UBE2Z: variants seen among roughly 807,000 people sequenced by gnomAD.
UBE2Z encodes the protein ubiquitin conjugating enzyme E2 Z, also known as ubiquitin-conjugating enzyme E2 Z.
UBE2Z carries 10 observed loss-of-function variants against 32.6 expected under a neutral mutation model. The observed-to-expected ratio is 0.31, with a 90% confidence interval of 0.19 to 0.52. The LOEUF (loss-of-function observed/expected upper bound fraction) is 0.52. Among genes scored for constraint, UBE2Z ranks in the 20% least tolerant of loss-of-function variants. The probability of loss-of-function intolerance (pLI) is 0.97; values close to 1 mark genes in which losing one functional copy is unlikely to be tolerated. For missense variants in UBE2Z, 343 were observed against 480.9 expected, an observed-to-expected ratio of 0.71 and a Z score of 2.68; for synonymous variants, 183 against 190.8, an observed-to-expected ratio of 0.96 and a Z score of 0.34.
At chr17:48,909,480 T>C (rs1366113722) in intron 1 of UBE2Z, among the ~76,000 whole-genome samples, 1 of 149,916 alleles carries the variant, frequency 6.7e-6, no homozygotes, top group Non-Finnish European at 1.5e-5. Context: ...CTCCCCCCAA[T>C]TCCCCAGTGC....
At chr17:48,913,668 T>C (rs566661549) in intron 3 of UBE2Z, among the ~76,000 whole-genome samples, 7 of 152,272 alleles carry the variant, frequency 4.6e-5, no homozygotes, top group African/African-American at 1.7e-4. Flanking sequence ...ATCTGTTTTT[T>C]ACAAGCTCTC....
chr17:48,915,951 C>T (rs2040716362), intron 3 of UBE2Z, 125 bp from the exon 4 acceptor site: 2 of 490,684 alleles, frequency 4.1e-6, no homozygotes, highest in Non-Finnish European at 7.0e-6. Context: ...CTGGGAAATT[C>T]CAGAGTATTA....
chr17:48,920,076 A>G (rs765777864), intron 4 of UBE2Z, among the ~76,000 whole-genome samples: 3 of 152,100 alleles, frequency 2.0e-5, no homozygotes, highest in South Asian at 2.1e-4. Flanking sequence ...AGTCCCAGCT[A>G]CTTGGGAAGC....
chr17:48,909,493 C>G (rs559247615), intron 1 of UBE2Z, among the ~76,000 whole-genome samples: 18 of 151,720 alleles, frequency 1.2e-4, no homozygotes, highest in Non-Finnish European at 2.1e-4. Flanking sequence ...CCCAGTGCCA[C>G]TCTGGATTGT....
chr17:48,924,154 G>T (rs1408595928), intron 6 of UBE2Z, among the ~76,000 whole-genome samples: 1 of 152,150 alleles, frequency 6.6e-6, no homozygotes, highest in Non-Finnish European at 1.5e-5. Context: ...TGTTTTGTTT[G>T]GTTGTAGAGA....
intron 3 of UBE2Z, among the ~76,000 whole-genome samples, chr17:48,915,439 T>C (rs768668846): frequency 2.6e-5 from 4 of 152,190 alleles, no homozygotes; most frequent in Admixed American, 6.6e-5. Flanking sequence ...CCCCTAATAC[T>C]TGGTTGGGTT....
chr17:48,925,627 C>CA (rs2040792549), intron 6 of UBE2Z, among the ~76,000 whole-genome samples: 2 of 152,114 alleles, frequency 1.3e-5, no homozygotes, highest in African/African-American at 4.8e-5. Context: ...TTAGCAATAT[C>CA]AGTGTGTAAA....
intron 4 of UBE2Z, among the ~76,000 whole-genome samples, chr17:48,917,812 C>A (rs1180515047): frequency 6.6e-6 from 1 of 152,182 alleles, no homozygotes; most frequent in African/African-American, 2.4e-5. Context: ...CCCAGACTTA[C>A]ATTGGAGCCC....
chr17:48,922,428 AAAC>A (rs1447512149), intron 5 of UBE2Z, among the ~76,000 whole-genome samples: 3 of 152,110 alleles, frequency 2.0e-5, no homozygotes, highest in Non-Finnish European at 1.5e-5. Context: ...TCTTTGTAGA[AAAC>A]AGATCTGGAC....
rs1470581118 is a variant in UBE2Z, at chr17:48,912,917, T to C, written c.474T>C (p.Tyr158=). 1.2e-6 allele frequency: 2 copies of C among 1,613,902 alleles called. No homozygotes were observed. Among genetic ancestry groups the C allele is most frequent in the African/African-American group, 2.7e-5 (2 of 75,002 alleles). ...TCGTGTTTCGGTGTCCGCCCGACTA[T>C]CCCATCCACCCACCTCGGGTCAAAC... ...FLFVFRCPPD[Y]PIHPPRVKLM... Residue 158 remains tyrosine, a synonymous_variant, in exon 3 of 7, where the codon TAT becomes TAC. Transcript: ENST00000360943.
chr17:48,921,299 AT>A, intron 5 of UBE2Z, 27 bp downstream of exon 5: 1 of 1,577,368 alleles, frequency 6.3e-7, no homozygotes, highest in Non-Finnish European at 8.6e-7. Context: ...CTTGCTTGGT[AT>A]TCCTTTCGGG....
At chr17:48,913,175 A>G (rs533671876) in intron 3 of UBE2Z, among the ~76,000 whole-genome samples, 154 bp downstream of exon 3, 1 of 152,146 alleles carries the variant, frequency 6.6e-6, no homozygotes, top group Admixed American at 6.6e-5. Context: ...TGTGACTAGT[A>G]TCATTCTAGA....
At chr17:48,919,130 C>T (rs1349961237) in intron 4 of UBE2Z, among the ~76,000 whole-genome samples, 1 of 151,834 alleles carries the variant, frequency 6.6e-6, no homozygotes, top group African/African-American at 2.4e-5. Flanking sequence ...TATTTACAGG[C>T]ACACACCACC....
At chr17:48,921,384 T>C (rs1390193983) in intron 5 of UBE2Z, 112 bp downstream of exon 5, 3 of 798,996 alleles carry the variant, frequency 3.8e-6, no homozygotes, top group African/African-American at 1.7e-5. Flanking sequence ...GAAGGAAAGA[T>C]GTGGTTCCTG....
intron 5 of UBE2Z, among the ~76,000 whole-genome samples, 194 bp from the exon 6 acceptor site, chr17:48,922,653 G>A (rs1173993685): frequency 6.6e-6 from 1 of 151,966 alleles, no homozygotes; most frequent in East Asian, 1.9e-4. Context: ...TGTAATCCCA[G>A]CTTCTCAGGA....
Position 48,927,073 on chromosome 17 carries a change from T to G in UBE2Z, c.1004T>G (p.Met335Arg), listed in dbSNP as rs1189100746. Residue 335 changes from methionine to arginine, a missense_variant, in exon 7 of 7, where the codon ATG (methionine) becomes AGG (arginine). This residue lies in a region of UBE2Z where 182 missense variants were observed against 312.4 expected (regional missense o/e 0.58). Coordinates refer to ENST00000360943, the MANE Select transcript of UBE2Z (RefSeq NM_023079.5). ...LERLHNENAEMDSDSSSSGTE... is the reference protein window; with the variant it reads ...LERLHNENAERDSDSSSSGTE... ...AGGCTCCATAATGAGAATGCAGAAA[T>G]GGACTCTGATAGCAGTTCATCTGGG... The G allele has an allele frequency of 1.2e-6, 2 of 1,613,910 alleles. No individual in the cohort carries two copies. The highest frequency in any genetic ancestry group is 1.1e-5 in the South Asian group (1 of 91,072).
chr17:48,912,819 G>C lies in UBE2Z; in HGVS notation c.391-15G>C. On this transcript the variant is annotated splice_polypyrimidine_tract_variant and intron_variant, in intron 2 of 6. Coordinates refer to ENST00000360943, the MANE Select transcript of UBE2Z (RefSeq NM_023079.5). Reference sequence around the variant, plus strand: ...TCATCACCTCACAATTTTGAGATGGGGTTTTATTTTGCAGATTCATGCATT... The same window carrying C: ...TCATCACCTCACAATTTTGAGATGGCGTTTTATTTTGCAGATTCATGCATT... 1 of 1,612,936 alleles carries C rather than the reference G, an allele frequency of 6.2e-7. No individual in the cohort carries two copies. The highest frequency in any genetic ancestry group is 8.5e-7 in the Non-Finnish European group (1 of 1,179,088).
chr17:48,921,136 A>T, intron 4 of UBE2Z, 24 bp from the exon 5 acceptor site: 1 of 1,586,170 alleles, frequency 6.3e-7, no homozygotes, highest in Non-Finnish European at 8.6e-7. Flanking sequence ...TTTTTGGAAT[A>T]CTCTGGCATC....
intron 4 of UBE2Z, among the ~76,000 whole-genome samples, chr17:48,918,581 C>T (rs1281457755): frequency 6.6e-6 from 1 of 152,032 alleles, no homozygotes; most frequent in Non-Finnish European, 1.5e-5. Context: ...GATCAGCCTG[C>T]CTCGGCCTCA....
Sources: allele counts gnomAD v4.1 joint callset (sites outside exome capture counted in the v4.1 genomes callset), GRCh38; gene constraint gnomAD v4.1.1; regional missense constraint gnomAD v4.1.1; transcripts MANE v1.5; gene names NCBI Gene and HGNC (gene_info 2026-07-23, HGNC 2026-07-21).